Variants in DLG2 observed in about 807,000 individuals in gnomAD.
The protein encoded by DLG2 is discs large MAGUK scaffold protein 2, also known as disks large homolog 2.
Under a neutral mutation model 132.5 loss-of-function variants are expected in DLG2, and 45 were observed. The ratio of observed to expected loss-of-function variants is 0.34; its 90% CI spans 0.27 to 0.44. The LOEUF (loss-of-function observed/expected upper bound fraction) is 0.44. DLG2 is among the 20% of genes least tolerant of loss of function. The pLI is 1.00. For missense variants in DLG2, 1,045 were observed against 1,196.9 expected, an observed-to-expected ratio of 0.87 and a Z score of 1.87; for synonymous variants, 424 against 419.6, an observed-to-expected ratio of 1.01 and a Z score of -0.13.
intron 8 of DLG2, among the ~76,000 whole-genome samples, chr11:84,232,814 A>G (rs1437061415): frequency 6.6e-6 from 1 of 152,216 alleles, no homozygotes; most frequent in Non-Finnish European, 1.5e-5. Context: ...TCTGAACTAA[A>G]AGAGAGTTTA....
At chr11:84,708,516 T>C (rs693469) in intron 6 of DLG2, among the ~76,000 whole-genome samples, 101,646 of 151,640 alleles carry the variant, frequency 0.67, 34,641 homozygotes, top group Middle Eastern at 0.76. Context: ...ATTCTGGGTT[T>C]CCTATTTATC....
intron 14 of DLG2, among the ~76,000 whole-genome samples, chr11:83,936,473 C>G (rs1410412412): frequency 6.6e-6 from 1 of 152,138 alleles, no homozygotes; most frequent in South Asian, 2.1e-4. Context: ...ATTGTTGGGT[C>G]ATAAGTAATT....
In DLG2 at chr11:84,129,165, T is replaced by C. The variant is rs2094309473; in HGVS notation, c.625-30118A>G. Among the ~76,000 whole-genome samples, 4 of 152,070 alleles carry C rather than the reference T, an allele frequency of 2.6e-5. No homozygotes were observed. The South Asian group carries it at 8.3e-4, about 32-fold the overall frequency. ...TAGATGTAATACAACAGAACGTCCT[T>C]CAGGCCCAAAAGAAAACTTTGAAAT... On this transcript the variant is annotated intron_variant, in intron 9 of 27. Transcript: ENST00000376104.
chr11:84,551,706 C>G (rs900683066), intron 6 of DLG2, among the ~76,000 whole-genome samples: 1 of 152,168 alleles, frequency 6.6e-6, no homozygotes, highest in Non-Finnish European at 1.5e-5. Context: ...ACTATATTGT[C>G]TCTCAAGTAT....
intron 6 of DLG2, among the ~76,000 whole-genome samples, chr11:85,088,060 G>A (rs952217385): frequency 4.6e-5 from 7 of 152,116 alleles, no homozygotes; most frequent in Non-Finnish European, 1.0e-4. Flanking sequence ...AAGTTAAAAT[G>A]CTATTGTTTG....
intron 3 of DLG2, among the ~76,000 whole-genome samples, chr11:85,491,884 T>TA (rs1319100275): frequency 1.3e-5 from 2 of 151,788 alleles, no homozygotes; most frequent in Non-Finnish European, 2.9e-5. Flanking sequence ...TTCACAGAAA[T>TA]AAAAAAATCG....
chr11:83,537,858 C>G (rs940669944), intron 20 of DLG2, among the ~76,000 whole-genome samples: 1 of 94,936 alleles, frequency 1.1e-5, no homozygotes, highest in Non-Finnish European at 2.2e-5. Flanking sequence ...TACCATGGAA[C>G]AAAACCCAGC....
chr11:84,696,042 T>C (rs561193527), intron 6 of DLG2, among the ~76,000 whole-genome samples: 1 of 151,628 alleles, frequency 6.6e-6, no homozygotes, highest in Non-Finnish European at 1.5e-5. Context: ...ACAATTGTCT[T>C]TCATGGTCTC....
intron 15 of DLG2, among the ~76,000 whole-genome samples, chr11:83,897,104 T>A (rs934005205): frequency 1.4e-4 from 21 of 152,140 alleles, no homozygotes; most frequent in African/African-American, 4.1e-4. Context: ...ATAATAACAT[T>A]CATGTTTAGT....
At chr11:85,595,778 C>T (rs1400221962) in intron 3 of DLG2, among the ~76,000 whole-genome samples, 2 of 152,132 alleles carry the variant, frequency 1.3e-5, no homozygotes, top group Non-Finnish European at 1.5e-5. Flanking sequence ...TATGATTTTA[C>T]TTTATTTTCA....
At chr11:84,843,626 G>T (rs1400008592) in intron 6 of DLG2, among the ~76,000 whole-genome samples, 1 of 151,738 alleles carries the variant, frequency 6.6e-6, no homozygotes, top group South Asian at 2.1e-4. Context: ...TATAGTATTT[G>T]CATATAACCT....
chr11:85,178,593 T>G (rs550587765), intron 4 of DLG2, among the ~76,000 whole-genome samples: 11 of 151,474 alleles, frequency 7.3e-5, no homozygotes, highest in Non-Finnish European at 1.5e-4. Context: ...TGCTCAGAGA[T>G]AGAAGAAAAT....
chr11:83,968,899 G>C (rs1248714315), intron 12 of DLG2, among the ~76,000 whole-genome samples: 1 of 152,212 alleles, frequency 6.6e-6, no homozygotes, highest in African/African-American at 2.4e-5. Flanking sequence ...CTCATGCAGA[G>C]AGGGAGAATG....
At chr11:85,223,276 T>C (rs1365640892) in intron 4 of DLG2, among the ~76,000 whole-genome samples, 2 of 152,064 alleles carry the variant, frequency 1.3e-5, no homozygotes, top group Non-Finnish European at 2.9e-5. Flanking sequence ...GGTCCTTTCC[T>C]AGAAGAAGAG....
Position 84,382,707 on chromosome 11 carries a change from A to G in DLG2, c.520-131416T>C, listed in dbSNP as rs376455773. 4.6e-5 allele frequency among the ~76,000 whole-genome samples: 7 copies of G among 152,238 alleles called. No homozygotes were observed. In the East Asian group the frequency reaches 1.2e-3, roughly 25 times the overall value. On this transcript the variant is annotated intron_variant, in intron 7 of 27. Transcript: ENST00000376104. ...ACAGAAATCTCAGTGCTCTTTAGTT[A>G]TGGCATCATTAAAAATTAAAACTCA...
intron 6 of DLG2, among the ~76,000 whole-genome samples, chr11:84,935,571 AC>A (rs2048641958): frequency 6.6e-6 from 1 of 152,162 alleles, no homozygotes; most frequent in East Asian, 1.9e-4. Context: ...GTGGCTGTCA[AC>A]CAGGAGTAAT....
At chr11:84,724,820 A>G (rs1430064046) in intron 6 of DLG2, among the ~76,000 whole-genome samples, 1 of 152,202 alleles carries the variant, frequency 6.6e-6, no homozygotes, top group Non-Finnish European at 1.5e-5. Context: ...TAGCTTAGCT[A>G]TCATTCTAGC....
At chr11:83,954,346 A>G (rs1017524434) in intron 14 of DLG2, among the ~76,000 whole-genome samples, 1 of 152,156 alleles carries the variant, frequency 6.6e-6, no homozygotes, top group Admixed American at 6.5e-5. Context: ...AAGTAAACCT[A>G]TGTGGTTTAA....
At chr11:83,567,408 T>G (rs778739825) in intron 19 of DLG2, among the ~76,000 whole-genome samples, 6 of 152,166 alleles carry the variant, frequency 3.9e-5, no homozygotes, top group Non-Finnish European at 8.8e-5. Context: ...GAACCTGGTT[T>G]TGCCTCTACC....
Sources: allele counts gnomAD v4.1 joint callset (sites outside exome capture counted in the v4.1 genomes callset), GRCh38; gene constraint gnomAD v4.1.1; transcripts MANE v1.5; gene names NCBI Gene and HGNC (gene_info 2026-07-23, HGNC 2026-07-21).